The following PHF2 variants were observed in gnomAD, a reference collection of about 807,000 sequenced individuals.
PHF2 encodes PHD finger protein 2.
Under a neutral mutation model 120.5 loss-of-function variants are expected in PHF2, and 27 were observed. The ratio of observed to expected loss-of-function variants is 0.22; its 90% CI spans 0.17 to 0.31. The LOEUF (loss-of-function observed/expected upper bound fraction) is 0.31. Among genes scored for constraint, PHF2 ranks in the 10% least tolerant of loss-of-function variants. The pLI is 1.00. For missense variants in PHF2, 1,024 were observed against 1,434.8 expected (o/e 0.71, Z 4.63); for synonymous variants, 568 against 592.5 (o/e 0.96, Z 0.60).
At position 93,655,935 on chromosome 9, in the gene PHF2, C is replaced by A; in HGVS notation, c.954C>A (p.Gly318=). 2 of 1,611,016 alleles carry A rather than the reference C, an allele frequency of 1.2e-6. No individual in the cohort carries two copies. Among genetic ancestry groups the A allele is most frequent in the African/African-American group, 1.3e-5 (1 of 75,012 alleles). ...KQGQTLFIPS[G]WIYATLTPVD... is the part of the protein sequence containing the mutation. ...CAGCCACTCCTGTCTCTCTCCCAGG[C>A]TGGATCTACGCCACACTCACCCCTG... The change falls in exon 8 of 22, where the codon GGC becomes GGA. Residue 318 remains glycine (G), a splice_region_variant and synonymous_variant. Transcript: ENST00000359246.
intron 1 of PHF2, among the ~76,000 whole-genome samples, chr9:93,583,053 G>T (rs79554354): frequency 0.024 from 3,610 of 152,256 alleles, 71 homozygotes; most frequent in East Asian, 0.059. Flanking sequence ...CCAATAAGTA[G>T]TCACTGCCCT....
chr9:93,671,996 T>A (rs1479526773), intron 17 of PHF2, among the ~76,000 whole-genome samples: 154 of 27,352 alleles, frequency 5.6e-3, no homozygotes, highest in African/African-American at 8.1e-3. Flanking sequence ...GGGAGTAGGG[T>A]CAGGTGTAGA....
intron 3 of PHF2, among the ~76,000 whole-genome samples, chr9:93,639,000 G>A (rs879749091): frequency 1.3e-5 from 2 of 152,188 alleles, no homozygotes; most frequent in Non-Finnish European, 2.9e-5. Flanking sequence ...TTACAAGCGT[G>A]AGCCACCATG....
At chr9:93,667,015 C>T (rs1247146247) in intron 16 of PHF2, 65 bp from the exon 17 acceptor site, 2 of 1,428,910 alleles carry the variant, frequency 1.4e-6, no homozygotes, top group East Asian at 2.7e-5. Flanking sequence ...ATCCTCCTCC[C>T]AACTCCCAGG....
intron 17 of PHF2, chr9:93,672,339 T>A (rs1826815497): frequency 1.1e-6 from 1 of 941,946 alleles, no homozygotes; most frequent in South Asian, 5.0e-5. Flanking sequence ...GATGCAGATG[T>A]GGGTGTGGGA....
Position 93,677,768 on chromosome 9 carries a change from C to A in PHF2, c.*92C>A. ...CCCAGGAGGGTGCCGAGCTGCCTCACCAGGGAGGGCCTTGCCTCTTCCCGG... is the reference window on the plus strand; with the variant it reads ...CCCAGGAGGGTGCCGAGCTGCCTCAACAGGGAGGGCCTTGCCTCTTCCCGG... On this transcript the variant is annotated 3_prime_UTR_variant, in exon 22 of 22. Coordinates refer to ENST00000359246, the MANE Select transcript of PHF2 (RefSeq NM_005392.4). This position sits in a 1 kb window ranked among gnomAD's most constrained non-coding sequence, Gnocchi z 4.4. 1.1e-6 allele frequency: 1 copy of A among 894,200 alleles called. No homozygotes were observed. Among genetic ancestry groups the A allele is most frequent in the Non-Finnish European group, 1.8e-6 (1 of 558,564 alleles). The allele number at this position is 894,200 out of a possible 1,614,324, so 55.4% of individuals were successfully genotyped here.
chr9:93,667,459 C>T (rs528589912), intron 17 of PHF2, among the ~76,000 whole-genome samples: 48 of 152,352 alleles, frequency 3.2e-4, no homozygotes, highest in African/African-American at 1.1e-3. Context: ...TTTAATTTTT[C>T]GGGTAAATTC....
intron 3 of PHF2, among the ~76,000 whole-genome samples, chr9:93,639,107 A>G (rs982281785): frequency 2.6e-5 from 4 of 152,192 alleles, no homozygotes; most frequent in Non-Finnish European, 1.5e-5. Context: ...CAGTTTTTAC[A>G]AGGAAGTCAG....
In PHF2 at chr9:93,665,513, C is replaced by T. The variant is rs576349004; in HGVS notation, c.1938-173C>T. On this transcript the variant is annotated intron_variant, in intron 14 of 21. Coordinates refer to ENST00000359246, the MANE Select transcript of PHF2 (RefSeq NM_005392.4). ...AGGCTTGGGCCCTCTACCCTCCTCC[C>T]ATCTCAACTGGGCCTGAGGCTTCTT... 3.3e-5 allele frequency among the ~76,000 whole-genome samples: 5 copies of T among 152,360 alleles called. No individual in the cohort carries two copies. The East Asian group carries it at 9.7e-4, about 29-fold the overall frequency.
intron 7 of PHF2, among the ~76,000 whole-genome samples, chr9:93,655,222 G>T (rs1367438038): frequency 6.6e-6 from 1 of 150,750 alleles, no homozygotes; most frequent in African/African-American, 2.4e-5. Context: ...CATTTCCCTG[G>T]TATCATCAAA....
intron 1 of PHF2, among the ~76,000 whole-genome samples, chr9:93,618,639 C>T (rs1825765876): frequency 6.6e-6 from 1 of 152,172 alleles, no homozygotes; most frequent in Admixed American, 6.5e-5. Context: ...TTTTTGGTGT[C>T]TTACCATGTC....
intron 4 of PHF2, among the ~76,000 whole-genome samples, chr9:93,646,078 T>A (rs1477566719): frequency 6.6e-6 from 1 of 152,172 alleles, no homozygotes; most frequent in Non-Finnish European, 1.5e-5. Context: ...TGCATTACTG[T>A]GGGTGCTACA....
chr9:93,673,690 C>T lies in PHF2; in HGVS notation c.2454C>T (p.Gly818=), dbSNP rs756766990. ...DSCLQTTWGA[G]QAKGSSLAAH... is the part of the protein sequence containing the mutation. ...GCCTGCAGACCACGTGGGGAGCTGG[C>T]CAGGCCAAGGGGAGCTCGCTGGCTG... Residue 818 remains glycine (G), a synonymous_variant, in exon 18 of 22, where the codon GGC becomes GGT. Transcript: ENST00000359246. The T allele has an allele frequency of 8.1e-6, 13 of 1,612,930 alleles. No homozygotes were observed. Among genetic ancestry groups the T allele is most frequent in the Admixed American group, 1.7e-5 (1 of 59,964 alleles).
chr9:93,613,560 CTTTTTT>C (rs201420565), intron 1 of PHF2, among the ~76,000 whole-genome samples: 3 of 129,054 alleles, frequency 2.3e-5, no homozygotes, highest in Non-Finnish European at 4.9e-5. Flanking sequence ...TTTTCTTTTT[CTTTTTT>C]TTTTTTTTTT....
Position 93,678,125 on chromosome 9 carries a change from A to G in PHF2, c.*449A>G, listed in dbSNP as rs1323934426. ...TTAAAAAAAAAGGCAAAGAACACAGAAAGAGGAGGAGCAAGTGGGATGTTT... is the reference window on the plus strand; with the variant it reads ...TTAAAAAAAAAGGCAAAGAACACAGGAAGAGGAGGAGCAAGTGGGATGTTT... On this transcript the variant is annotated 3_prime_UTR_variant, in exon 22 of 22. Coordinates refer to ENST00000359246, the MANE Select transcript of PHF2 (RefSeq NM_005392.4). 1 of 157,878 alleles carries G rather than the reference A, an allele frequency of 6.3e-6. No homozygotes were observed. Among genetic ancestry groups the G allele is most frequent in the Non-Finnish European group, 1.4e-5 (1 of 71,594 alleles). 9.8% of individuals were successfully genotyped at this position (157,878 alleles called of 1,614,324 possible). A position where few individuals can be genotyped will look rare whatever the true frequency, so the allele number is the denominator to read the frequency against.
At chr9:93,653,105 A>G in intron 5 of PHF2, 74 bp from the exon 6 acceptor site, 1 of 1,388,582 alleles carries the variant, frequency 7.2e-7, no homozygotes, top group South Asian at 1.3e-5. Flanking sequence ...GCCTCACAGA[A>G]CATGTTTCCC....
chr9:93,602,686 G>C (rs1237348812), intron 1 of PHF2, among the ~76,000 whole-genome samples: 2 of 151,996 alleles, frequency 1.3e-5, no homozygotes. Flanking sequence ...GGACATCTCT[G>C]CCACCTGGGA....
Position 93,677,567 on chromosome 9 carries a change from T to C in PHF2, c.3203-21T>C. ...ATCTAGCTTACCTTCCCTTTTTGTGTCCCCTCCCCGACTCCCCTAGGAAAA... is the reference window on the plus strand; with the variant it reads ...ATCTAGCTTACCTTCCCTTTTTGTGCCCCCTCCCCGACTCCCCTAGGAAAA... On this transcript the variant is annotated intron_variant, in intron 21 of 21. Coordinates refer to ENST00000359246, the MANE Select transcript of PHF2 (RefSeq NM_005392.4). The surrounding 1 kb of genome is among the most constrained non-coding windows in gnomAD (Gnocchi z 4.4). The C allele has an allele frequency of 6.2e-7, 1 of 1,604,784 alleles. No individual in the cohort carries two copies. The highest frequency in any genetic ancestry group is 8.5e-7 in the Non-Finnish European group (1 of 1,172,734).
intron 1 of PHF2, among the ~76,000 whole-genome samples, chr9:93,581,496 G>T (rs1391050748): frequency 1.3e-5 from 2 of 152,192 alleles, no homozygotes; most frequent in Non-Finnish European, 2.9e-5. Flanking sequence ...TTCTCCCCCT[G>T]TGTGAGTTTT....
Sources: allele counts gnomAD v4.1 joint callset (sites outside exome capture counted in the v4.1 genomes callset), GRCh38; gene constraint gnomAD v4.1.1; non-coding constraint Gnocchi (gnomAD v3.1); transcripts MANE v1.5; gene names NCBI Gene and HGNC (gene_info 2026-07-23, HGNC 2026-07-21).